Variants in CYTH1 observed in about 807,000 individuals in gnomAD.
The protein encoded by CYTH1 is cytohesin-1.
A neutral mutation model predicts 61.8 loss-of-function variants in CYTH1; 18 were observed. The ratio of observed to expected loss-of-function variants is 0.29; its 90% CI spans 0.20 to 0.43. The LOEUF is 0.43. CYTH1 is among the 20% of genes least tolerant of loss of function. CYTH1 has a pLI of 1.00. For synonymous variants in CYTH1, 174 were observed against 184.3 expected, an observed-to-expected ratio of 0.94 and a Z score of 0.45; for missense variants, 336 against 510.5, an observed-to-expected ratio of 0.66 and a Z score of 3.29.
At chr17:78,756,323 G>A (rs1045889667) in intron 1 of CYTH1, among the ~76,000 whole-genome samples, 1 of 152,004 alleles carries the variant, frequency 6.6e-6, no homozygotes, top group African/African-American at 2.4e-5. Context: ...TGATCCACTC[G>A]CCTCGGCCTC....
At chr17:78,767,478 G>A (rs1473277412) in intron 1 of CYTH1, among the ~76,000 whole-genome samples, 1 of 152,096 alleles carries the variant, frequency 6.6e-6, no homozygotes, top group Non-Finnish European at 1.5e-5. Flanking sequence ...ATTCTTCACA[G>A]CCTGAGCATA....
At chr17:78,704,671 CT>C (rs1281813319) in intron 3 of CYTH1, among the ~76,000 whole-genome samples, 1 of 152,204 alleles carries the variant, frequency 6.6e-6, no homozygotes, top group East Asian at 1.9e-4. Context: ...CAAGCAGATA[CT>C]ACCACAACTG....
At position 78,719,498 on chromosome 17, in the gene CYTH1, G is replaced by C. The variant is rs1238829360; in HGVS notation, c.23-9766C>G. On this transcript the variant is annotated intron_variant, in intron 1 of 13. Coordinates refer to ENST00000446868, the MANE Select transcript of CYTH1 (RefSeq NM_004762.6). The stretch of plus-strand genomic sequence containing the variant: ...CATTACTGCAAGTGGAGAATGGCTT[G>C]GTTTAGGGGAACTTTTTTCCCCTCA... 2.6e-5 allele frequency among the ~76,000 whole-genome samples: 4 copies of C among 152,134 alleles called. No homozygotes were observed. The East Asian group carries it at 7.7e-4, about 29-fold the overall frequency.
rs569470235 is a variant in CYTH1 at position 78,702,107 on chromosome 17, T to A, written c.356+15A>T. The A allele has an allele frequency of 3.2e-6, 5 of 1,586,882 alleles. No individual in the cohort carries two copies. The Admixed American group carries it at 8.5e-5, about 27-fold the overall frequency. ...ACAGCCTTCCCTAGCATGCGCATAA[T>A]CCCCAAGGCCTTACCTCTCCCCTAG... On this transcript the variant is annotated intron_variant, in intron 5 of 13. Coordinates refer to ENST00000446868, the MANE Select transcript of CYTH1 (RefSeq NM_004762.6).
chr17:78,678,619 C>T (rs962115274), intron 13 of CYTH1: 4 of 152,224 alleles, frequency 2.6e-5, no homozygotes, highest in African/African-American at 7.2e-5. Context: ...CACAACACTG[C>T]TGTTTTCTTC....
chr17:78,702,682 AT>A, intron 3 of CYTH1, 78 bp from the exon 4 acceptor site: 1 of 1,439,320 alleles, frequency 6.9e-7, no homozygotes, highest in Non-Finnish European at 9.7e-7. Flanking sequence ...ATTTCCACTG[AT>A]TTACACAGGT....
At chr17:78,774,824 A>G (rs2093484734) in intron 1 of CYTH1, among the ~76,000 whole-genome samples, 1 of 152,196 alleles carries the variant, frequency 6.6e-6, no homozygotes, top group Non-Finnish European at 1.5e-5. Context: ...ACCGTAATAC[A>G]TACATGTGAA....
intron 1 of CYTH1, among the ~76,000 whole-genome samples, chr17:78,746,643 A>G (rs1416295386): frequency 2.0e-5 from 3 of 152,180 alleles, no homozygotes; most frequent in Non-Finnish European, 4.4e-5. Flanking sequence ...TTTACTCATC[A>G]GAGTAATAAT....
intron 1 of CYTH1, chr17:78,723,476 T>G (rs945842496): frequency 2.0e-5 from 3 of 152,606 alleles, no homozygotes; most frequent in African/African-American, 7.2e-5. Flanking sequence ...GCCCTGCAGG[T>G]GGAAACTCGC....
intron 1 of CYTH1, among the ~76,000 whole-genome samples, chr17:78,719,562 C>T (rs2093210841): frequency 6.6e-6 from 1 of 152,190 alleles, no homozygotes; most frequent in African/African-American, 2.4e-5. Context: ...AAACTCCATG[C>T]TGACATTACA....
chr17:78,695,255 G>C (rs1010462950), intron 10 of CYTH1, among the ~76,000 whole-genome samples: 1 of 152,130 alleles, frequency 6.6e-6, no homozygotes, highest in Non-Finnish European at 1.5e-5. Flanking sequence ...GCTTTAACGA[G>C]GACTCGCTGA....
intron 9 of CYTH1, 138 bp from the exon 10 acceptor site, chr17:78,696,147 C>A: frequency 8.1e-7 from 1 of 1,233,340 alleles, no homozygotes; most frequent in Non-Finnish European, 1.1e-6. Flanking sequence ...TCATGCCTGC[C>A]TGGGGAGAGA....
rs368258505 is a variant in CYTH1 at position 78,729,545 on chromosome 17, G to A, written c.23-19813C>T. Among the ~76,000 whole-genome samples the A allele has an allele frequency of 2.6e-5, 4 of 152,206 alleles. No homozygotes were observed. The South Asian group carries it at 8.3e-4, about 31-fold the overall frequency. On this transcript the variant is annotated intron_variant, in intron 1 of 13. Coordinates refer to ENST00000446868, the MANE Select transcript of CYTH1 (RefSeq NM_004762.6). The stretch of plus-strand genomic sequence containing the variant: ...GGCAGTCTCCCGTGCTGCTGGGAGA[G>A]TGTAAACTGGTACAACCTTTTGGCA...
intron 1 of CYTH1, among the ~76,000 whole-genome samples, chr17:78,763,172 T>A (rs1033228064): frequency 6.6e-6 from 1 of 152,002 alleles, no homozygotes; most frequent in Non-Finnish European, 1.5e-5. Flanking sequence ...GGTAAAACCC[T>A]GTCTCTACTA....
rs1487166391 is a variant in CYTH1, at chr17:78,675,718, G to A, written c.*373C>T. ...AACATATAATAATATATGGACACATGTATTTATGGTGCAGGGTTTGAAGGC... is the reference window on the plus strand; with the variant it reads ...AACATATAATAATATATGGACACATATATTTATGGTGCAGGGTTTGAAGGC... On this transcript the variant is annotated 3_prime_UTR_variant, in exon 14 of 14. Coordinates refer to ENST00000446868, the MANE Select transcript of CYTH1 (RefSeq NM_004762.6). The A allele has an allele frequency of 7.8e-6, 4 of 515,730 alleles. No homozygotes were observed. Among genetic ancestry groups the A allele is most frequent in the African/African-American group, 1.9e-5 (1 of 51,544 alleles). 31.9% of individuals were successfully genotyped at this position (515,730 alleles called of 1,614,324 possible).
chr17:78,682,757 T>C (rs2092776490), intron 11 of CYTH1, among the ~76,000 whole-genome samples: 1 of 152,216 alleles, frequency 6.6e-6, no homozygotes, highest in South Asian at 2.1e-4. Context: ...AAAGCTGTTC[T>C]GGTTGCTGGT....
chr17:78,739,274 C>CATTCACTG (rs1436147225), intron 1 of CYTH1, among the ~76,000 whole-genome samples: 2 of 152,292 alleles, frequency 1.3e-5, no homozygotes, highest in Non-Finnish European at 2.9e-5. Flanking sequence ...TTTCGTTCAA[C>CATTCACTG]ATTCACTGAG....
At chr17:78,724,828 T>C (rs1598885084) in intron 1 of CYTH1, among the ~76,000 whole-genome samples, 1 of 152,200 alleles carries the variant, frequency 6.6e-6, no homozygotes, top group East Asian at 1.9e-4. Context: ...ACAGACGTCC[T>C]CATCACCAGG....
chr17:78,772,577 C>T (rs566281556), intron 1 of CYTH1, among the ~76,000 whole-genome samples: 2 of 152,160 alleles, frequency 1.3e-5, no homozygotes, highest in African/African-American at 2.4e-5. Context: ...CTCACTCTGT[C>T]GCCAGGCTGG....
Sources: gnomAD v4.1 joint callset for allele counts (sites outside exome capture counted in the v4.1 genomes callset) on GRCh38, gnomAD v4.1.1 for gene constraint, MANE v1.5 for transcripts, NCBI Gene and HGNC (gene_info 2026-07-23, HGNC 2026-07-21) for gene names.